DCC: variants seen among roughly 807,000 people sequenced by gnomAD.
The protein encoded by DCC is DCC netrin 1 receptor.
A neutral mutation model predicts 172.5 loss-of-function variants in DCC; 58 were observed. The observed-to-expected ratio is 0.34, with a 90% CI of 0.27 to 0.42. DCC has a LOEUF of 0.42. DCC is among the 10% of genes least tolerant of loss of function. DCC has a pLI of 1.00. For synonymous variants in DCC, 709 were observed against 644.5 expected (o/e 1.10, Z -1.52); for missense variants, 1,740 against 1,791.0 (o/e 0.97, Z 0.51).
chr18:52,940,791 C>G (rs773803613), intron 5 of DCC: 10 of 152,034 alleles, frequency 6.6e-5, no homozygotes, highest in Non-Finnish European at 1.0e-4. Flanking sequence ...GAAGACAGTC[C>G]AATGGAGTGT....
At chr18:52,522,748 T>C (rs879418679) in intron 1 of DCC, among the ~76,000 whole-genome samples, 10 of 152,166 alleles carry the variant, frequency 6.6e-5, no homozygotes, top group African/African-American at 1.2e-4. Flanking sequence ...AAACTAAGTA[T>C]GTTTGTATAT....
chr18:53,503,499 A>G (rs908682936), intron 27 of DCC, among the ~76,000 whole-genome samples: 1 of 152,212 alleles, frequency 6.6e-6, no homozygotes, highest in African/African-American at 2.4e-5. Context: ...GCAAATCACA[A>G]ATGTAGACAT....
At chr18:53,102,219 C>T (rs893846024) in intron 7 of DCC, among the ~76,000 whole-genome samples, 2 of 152,120 alleles carry the variant, frequency 1.3e-5, no homozygotes, top group African/African-American at 4.8e-5. Context: ...TATAATTAGC[C>T]AGCATCCCTT....
At chr18:53,166,609 AT>A (rs1255580576) in intron 8 of DCC, among the ~76,000 whole-genome samples, 1 of 152,174 alleles carries the variant, frequency 6.6e-6, no homozygotes, top group African/African-American at 2.4e-5. Flanking sequence ...TACAGTAGCC[AT>A]TTGTTACGTA....
At chr18:53,029,230 G>A (rs749468124) in intron 5 of DCC, among the ~76,000 whole-genome samples, 1 of 152,076 alleles carries the variant, frequency 6.6e-6, no homozygotes, top group African/African-American at 2.4e-5. Context: ...ATTAGTAGTT[G>A]GTTGAACAAG....
At chr18:53,011,325 GTATTT>G (rs1377740079) in intron 5 of DCC, among the ~76,000 whole-genome samples, 4 of 151,400 alleles carry the variant, frequency 2.6e-5, no homozygotes, top group African/African-American at 9.7e-5. Context: ...ATTTTATAAT[GTATTT>G]TATTATTTAA....
At position 53,393,252 on chromosome 18, in the gene DCC, G is replaced by A. The variant is rs188145684; in HGVS notation, c.2688+1365G>A. On this transcript the variant is annotated intron_variant, in intron 17 of 28. Coordinates refer to ENST00000442544, the MANE Select transcript of DCC (RefSeq NM_005215.4). ...CCATAGCCATGCTGGATCTTCCTGT[G>A]GTGTCTTTCAACTTTTAAATGGCAT... 5.7e-3 allele frequency among the ~76,000 whole-genome samples: 865 copies of A among 152,144 alleles called. 3 individuals carry two copies. Among genetic ancestry groups the A allele is most frequent in the African/African-American group, 0.02 (821 of 41,504 alleles).
chr18:52,775,133 G>A (rs947650512), intron 2 of DCC, among the ~76,000 whole-genome samples: 2 of 152,032 alleles, frequency 1.3e-5, no homozygotes, highest in Non-Finnish European at 2.9e-5. Context: ...AGGATCCTGG[G>A]TGAGGCCCCA....
chr18:52,504,042 A>G (rs2031130808), intron 1 of DCC, among the ~76,000 whole-genome samples: 1 of 152,104 alleles, frequency 6.6e-6, no homozygotes, highest in Non-Finnish European at 1.5e-5. Flanking sequence ...TCTGCCAGTA[A>G]GATCCCACCA....
intron 7 of DCC, among the ~76,000 whole-genome samples, chr18:53,108,160 C>T (rs1239150014): frequency 9.6e-6 from 1 of 104,600 alleles, no homozygotes; most frequent in Non-Finnish European, 1.9e-5. Flanking sequence ...TGGAAGAATG[C>T]ACGTAAAGAC....
chr18:53,469,691 A>G (rs1396016498), intron 25 of DCC, among the ~76,000 whole-genome samples: 4 of 152,126 alleles, frequency 2.6e-5, no homozygotes, highest in Admixed American at 6.6e-5. Flanking sequence ...CAGTAAGCAT[A>G]CAAATATTAA....
intron 1 of DCC, among the ~76,000 whole-genome samples, chr18:52,648,582 G>A (rs1467735242): frequency 6.6e-6 from 1 of 152,194 alleles, no homozygotes; most frequent in Non-Finnish European, 1.5e-5. Flanking sequence ...AAGGACATCA[G>A]TCCTAAGACT....
At chr18:52,873,255 C>G (rs1455070621) in intron 2 of DCC, among the ~76,000 whole-genome samples, 1 of 152,152 alleles carries the variant, frequency 6.6e-6, no homozygotes, top group Non-Finnish European at 1.5e-5. Context: ...TGCTTTCTAC[C>G]TCCCAGTAAA....
intron 7 of DCC, among the ~76,000 whole-genome samples, chr18:53,099,591 C>G (rs899937987): frequency 3.9e-5 from 6 of 152,000 alleles, no homozygotes; most frequent in African/African-American, 1.2e-4. Context: ...ATTAACTTGC[C>G]CAGTTCTTTA....
chr18:53,262,285 A>C (rs978869763), intron 12 of DCC, among the ~76,000 whole-genome samples: 8 of 152,210 alleles, frequency 5.3e-5, no homozygotes, highest in African/African-American at 1.9e-4. Flanking sequence ...TCGTAGCCTA[A>C]AATCAACTCT....
At chr18:53,275,432 T>A (rs1219432959) in intron 12 of DCC, among the ~76,000 whole-genome samples, 3 of 152,098 alleles carry the variant, frequency 2.0e-5, no homozygotes, top group African/African-American at 7.2e-5. Context: ...AATTCTACAG[T>A]CTAACTAAAC....
intron 1 of DCC, among the ~76,000 whole-genome samples, chr18:52,417,724 A>C (rs1322883756): frequency 2.4e-4 from 37 of 152,204 alleles, no homozygotes; most frequent in Non-Finnish European, 1.0e-4. Context: ...CAGCTCCATC[A>C]GCTCCTTTAA....
At chr18:52,878,307 A>G (rs993047059) in intron 2 of DCC, among the ~76,000 whole-genome samples, 1 of 152,174 alleles carries the variant, frequency 6.6e-6, no homozygotes, top group African/African-American at 2.4e-5. Flanking sequence ...TCCCCAACCC[A>G]TAAGAATCAC....
intron 7 of DCC, among the ~76,000 whole-genome samples, chr18:53,141,753 C>A (rs1431869827): frequency 6.6e-6 from 1 of 151,772 alleles, no homozygotes; most frequent in Non-Finnish European, 1.5e-5. Context: ...TCACTTCTTG[C>A]CTCTCTCCTC....
Sources: allele counts gnomAD v4.1 joint callset (sites outside exome capture counted in the v4.1 genomes callset), GRCh38; gene constraint gnomAD v4.1.1; transcripts MANE v1.5; gene names NCBI Gene and HGNC (gene_info 2026-07-23, HGNC 2026-07-21).